Variants in HTR3B observed in about 807,000 individuals in gnomAD.
HTR3B encodes 5-hydroxytryptamine (serotonin) receptor 3B, ionotropic.
A neutral mutation model predicts 42.8 loss-of-function variants in HTR3B; 44 were observed. That is an observed-to-expected ratio of 1.03 (90% CI 0.81 to 1.32). The LOEUF is 1.32. HTR3B is among the 40% of genes most tolerant of loss of function. The pLI is 0.00. For synonymous variants in HTR3B, 203 were observed against 209.0 expected, an observed-to-expected ratio of 0.97 and a Z score of 0.25; for missense variants, 527 against 536.5, an observed-to-expected ratio of 0.98 and a Z score of 0.17.
rs905001734 is a variant in HTR3B at position 113,924,301 on chromosome 11, CATG to C, written c.214-7080_214-7078del. 5.9e-5 allele frequency among the ~76,000 whole-genome samples: 9 copies of C among 152,124 alleles called. No individual in the cohort carries two copies. The East Asian group carries it at 1.7e-3, about 29-fold the overall frequency. On this transcript the variant is annotated intron_variant, in intron 2 of 8. Transcript: ENST00000260191. ...TTAGTGGGTGAGACATAATCTATTT[CATG>C]ATCTCTCAGTTGGTAAAATTTGCAA...
intron 5 of HTR3B, 77 bp downstream of exon 5, chr11:113,932,535 A>G (rs1950046811): frequency 4.1e-6 from 5 of 1,206,700 alleles, no homozygotes; most frequent in Admixed American, 2.2e-5. Flanking sequence ...CTTCAGGTCT[A>G]TTTTATTCTT....
At chr11:113,945,752 G>A (rs1351655185) in intron 8 of HTR3B, 150 bp from the exon 9 acceptor site, 1 of 625,310 alleles carries the variant, frequency 1.6e-6, no homozygotes, top group South Asian at 1.9e-5. Flanking sequence ...TCGCCTAATC[G>A]GGTGGGGAGA....
Position 113,908,049 on chromosome 11 carries a change from C to T in HTR3B, c.53-1246C>T, listed in dbSNP as rs1018408966. On this transcript the variant is annotated intron_variant, in intron 1 of 8. Coordinates refer to ENST00000260191, the MANE Select transcript of HTR3B (RefSeq NM_006028.5). ...TAGTCCTGCACGCCTGAATAGCTAACGCCATTTTAGGCATCTTCTTGGGTG... is the reference window on the plus strand; with the variant it reads ...TAGTCCTGCACGCCTGAATAGCTAATGCCATTTTAGGCATCTTCTTGGGTG... 1.5e-4 allele frequency among the ~76,000 whole-genome samples: 23 copies of T among 152,198 alleles called. 2 individuals carry two copies. The highest frequency in any genetic ancestry group is 9.8e-4 in the Admixed American group (15 of 15,272).
intron 2 of HTR3B, among the ~76,000 whole-genome samples, chr11:113,927,846 A>T (rs1484902265): frequency 6.6e-6 from 1 of 152,104 alleles, no homozygotes; most frequent in African/African-American, 2.4e-5. Flanking sequence ...GGTGTGAGCC[A>T]CCGCACCCGG....
intron 2 of HTR3B, among the ~76,000 whole-genome samples, chr11:113,925,410 C>T (rs934880020): frequency 6.9e-5 from 10 of 144,650 alleles, no homozygotes; most frequent in Non-Finnish European, 1.4e-4. Context: ...AAATGTTTTA[C>T]GAATTTGTTT....
Position 113,904,986 on chromosome 11 carries a change from G to A in HTR3B, c.52+1G>A. On this transcript the variant is annotated splice_donor_variant, in intron 1 of 8. Transcript: ENST00000260191. LOFTEE classifies it high-confidence loss of function. ...TGGGCCTGCATCCTGGTGGCTGCAG[G>A]TGAGTCCTTTTAATAATTTTACTAG... is the stretch of plus-strand genomic sequence containing the variant. The A allele has an allele frequency of 6.2e-7, 1 of 1,608,880 alleles. No individual in the cohort carries two copies. Among genetic ancestry groups the A allele is most frequent in the South Asian group, 1.1e-5 (1 of 90,946 alleles).
chr11:113,905,730 A>G (rs968673194), intron 1 of HTR3B, among the ~76,000 whole-genome samples: 1 of 152,200 alleles, frequency 6.6e-6, no homozygotes, highest in African/African-American at 2.4e-5. Flanking sequence ...TCAACACCCC[A>G]CTTTCTTGAG....
rs555828679 is a variant in HTR3B at position 113,910,883 on chromosome 11, G to T, written c.213+1428G>T. Among the ~76,000 whole-genome samples, 6 of 145,474 alleles carry T rather than the reference G, an allele frequency of 4.1e-5. No individual in the cohort carries two copies. The South Asian group carries it at 1.3e-3, about 32-fold the overall frequency. On this transcript the variant is annotated intron_variant, in intron 2 of 8. Coordinates refer to ENST00000260191, the MANE Select transcript of HTR3B (RefSeq NM_006028.5). ...CTCGCTCTGTCGCCCAGGCTGAAGT[G>T]CAGTGGCACAATCTCTGCTCACTGC...
upstream of HTR3B, among the ~76,000 whole-genome samples, chr11:113,902,452 G>A (rs1158903859): frequency 2.0e-5 from 3 of 151,794 alleles, no homozygotes; most frequent in African/African-American, 4.8e-5. Flanking sequence ...ATGTGCCACC[G>A]TGCCGGGCTA....
chr11:113,928,775 G>A (rs1407905617), intron 2 of HTR3B, among the ~76,000 whole-genome samples: 1 of 152,152 alleles, frequency 6.6e-6, no homozygotes, highest in Non-Finnish European at 1.5e-5. Flanking sequence ...GACCTCAAGT[G>A]ATCCACCCAC....
At chr11:113,928,576 T>G (rs1949999362) in intron 2 of HTR3B, among the ~76,000 whole-genome samples, 1 of 152,156 alleles carries the variant, frequency 6.6e-6, no homozygotes, top group Non-Finnish European at 1.5e-5. Context: ...ATCATTCTGT[T>G]GCCCAGGCTG....
intron 6 of HTR3B, among the ~76,000 whole-genome samples, chr11:113,935,841 G>C (rs1950087379): frequency 6.6e-6 from 1 of 152,286 alleles, no homozygotes; most frequent in African/African-American, 2.4e-5. Context: ...GAAGTCAGGA[G>C]AAGCAATAAT....
chr11:113,944,002 G>T (rs1950156990), intron 7 of HTR3B, among the ~76,000 whole-genome samples: 1 of 149,868 alleles, frequency 6.7e-6, no homozygotes, highest in African/African-American at 2.5e-5. Context: ...AGACAACATA[G>T]TGAGGACTTG....
intron 2 of HTR3B, among the ~76,000 whole-genome samples, chr11:113,919,789 T>C (rs1319941014): frequency 6.6e-6 from 1 of 151,132 alleles, no homozygotes; most frequent in Non-Finnish European, 1.5e-5. Flanking sequence ...GATTGCACCA[T>C]TGCACTCCAG....
intron 2 of HTR3B, among the ~76,000 whole-genome samples, chr11:113,922,142 A>T (rs949775712): frequency 4.6e-5 from 7 of 151,984 alleles, no homozygotes; most frequent in Non-Finnish European, 8.8e-5. Flanking sequence ...CTTAAAATAA[A>T]TTTTCCTCAT....
Position 113,908,917 on chromosome 11 carries a change from C to T in HTR3B, c.53-378C>T, listed in dbSNP as rs72997456. On this transcript the variant is annotated intron_variant, in intron 1 of 8. Transcript: ENST00000260191. ...TGAAAAATCAAAAGAAAAACCAACG[C>T]GGGAGTTAAGTTTTGGCTAAGTGTG... 5.9e-3 allele frequency: 1,637 copies of T among 278,904 alleles called. 11 individuals carry two copies. Among genetic ancestry groups the T allele is most frequent in the Non-Finnish European group, 9.0e-3 (1,375 of 152,002 alleles). 17.3% of individuals were successfully genotyped at this position (278,904 alleles called of 1,614,324 possible).
upstream of HTR3B, among the ~76,000 whole-genome samples, chr11:113,902,177 A>G (rs777892267): frequency 6.6e-6 from 1 of 152,248 alleles, no homozygotes; most frequent in Non-Finnish European, 1.5e-5. Context: ...TTCTTCTGAA[A>G]TATTTTCAAA....
intron 2 of HTR3B, among the ~76,000 whole-genome samples, chr11:113,914,648 A>G (rs950914879): frequency 6.6e-6 from 1 of 151,298 alleles, no homozygotes; most frequent in Non-Finnish European, 1.5e-5. Flanking sequence ...ACACCTAGCT[A>G]ATTTTTGTAT....
intron 2 of HTR3B, among the ~76,000 whole-genome samples, chr11:113,931,161 G>A (rs534543944): frequency 2.6e-5 from 4 of 152,154 alleles, no homozygotes; most frequent in African/African-American, 7.2e-5. Flanking sequence ...GGCAGGCAAA[G>A]TGCCGTTTTG....
Sources: gnomAD v4.1 joint callset for allele counts (sites outside exome capture counted in the v4.1 genomes callset) on GRCh38, gnomAD v4.1.1 for gene constraint, MANE v1.5 for transcripts, NCBI Gene and HGNC (gene_info 2026-07-23, HGNC 2026-07-21) for gene names.